The following PDE4D variants were observed in gnomAD, a reference collection of about 807,000 sequenced individuals.
PDE4D encodes the protein 3',5'-cyclic-AMP phosphodiesterase 4D.
In PDE4D, 24 loss-of-function variants were observed where a neutral mutation model predicts 87.4. The observed-to-expected ratio is 0.27, with a 90% confidence interval of 0.20 to 0.39. The LOEUF (loss-of-function observed/expected upper bound fraction) is 0.39. Among genes scored for constraint, PDE4D ranks in the 10% least tolerant of loss-of-function variants. PDE4D has a pLI of 1.00. For synonymous variants in PDE4D, 384 were observed against 383.2 expected, an observed-to-expected ratio of 1.00 and a Z score of -0.02; for missense variants, 714 against 1,041.0, an observed-to-expected ratio of 0.69 and a Z score of 4.32.
chr5:59,313,253 C>T (rs952019790), intron 1 of PDE4D, among the ~76,000 whole-genome samples: 2 of 152,154 alleles, frequency 1.3e-5, no homozygotes, highest in Non-Finnish European at 2.9e-5. Context: ...GTAACAGGAG[C>T]AAGTAGCAAC....
At chr5:59,494,909 A>G (rs1010152207) in intron 1 of PDE4D, among the ~76,000 whole-genome samples, 1 of 152,166 alleles carries the variant, frequency 6.6e-6, no homozygotes, top group Non-Finnish European at 1.5e-5. Flanking sequence ...CATTTCTAAG[A>G]AAAAAAGCAA....
chr5:59,787,378 TTTATC>T (rs919598431), intron 1 of PDE4D, among the ~76,000 whole-genome samples: 6 of 152,194 alleles, frequency 3.9e-5, no homozygotes, highest in African/African-American at 1.4e-4. Context: ...AGTTCTTCGT[TTTATC>T]TTAAGGTGCT....
At chr5:59,027,574 C>T (rs1300670704) in intron 6 of PDE4D, among the ~76,000 whole-genome samples, 1 of 151,978 alleles carries the variant, frequency 6.6e-6, no homozygotes, top group Non-Finnish European at 1.5e-5. Flanking sequence ...ATTTATTTTA[C>T]CCTTTGGGAT....
chr5:59,705,247 C>G (rs113541007), intron 1 of PDE4D, among the ~76,000 whole-genome samples: 166 of 152,260 alleles, frequency 1.1e-3, no homozygotes, highest in African/African-American at 3.9e-3. Context: ...TAGGTCCTCC[C>G]CTTCCTTAAT....
At chr5:59,703,903 G>A (rs1752984541) in intron 1 of PDE4D, among the ~76,000 whole-genome samples, 1 of 152,080 alleles carries the variant, frequency 6.6e-6, no homozygotes, top group Admixed American at 6.6e-5. Context: ...CAGTTACATG[G>A]CTCTGATGCA....
intron 1 of PDE4D, among the ~76,000 whole-genome samples, chr5:59,794,218 C>A (rs188394822): frequency 3.3e-5 from 5 of 151,988 alleles, no homozygotes; most frequent in Non-Finnish European, 2.9e-5. Context: ...TTCAACAAGC[C>A]CTGCAGTTGG....
At chr5:59,224,715 C>T (rs1435000797) in intron 1 of PDE4D, among the ~76,000 whole-genome samples, 1 of 152,106 alleles carries the variant, frequency 6.6e-6, no homozygotes, top group Non-Finnish European at 1.5e-5. Flanking sequence ...TTAAACGAGG[C>T]CATATGGATG....
chr5:60,204,576 T>C (rs1281075032), intron 1 of PDE4D, among the ~76,000 whole-genome samples: 4 of 152,234 alleles, frequency 2.6e-5, no homozygotes, highest in Non-Finnish European at 5.9e-5. Flanking sequence ...ATTCTACATA[T>C]GATATAGCAA....
intron 2 of PDE4D, among the ~76,000 whole-genome samples, chr5:60,170,212 A>G (rs1401435921): frequency 2.6e-5 from 4 of 152,158 alleles, no homozygotes; most frequent in Non-Finnish European, 2.9e-5. Context: ...TAGACACTTT[A>G]ACGTGCTTTG....
At chr5:60,273,741 C>G (rs866399818) in intron 1 of PDE4D, among the ~76,000 whole-genome samples, 1 of 152,000 alleles carries the variant, frequency 6.6e-6, no homozygotes, top group Non-Finnish European at 1.5e-5. Flanking sequence ...ATCAAAAATG[C>G]CCCCCAAGTT....
At chr5:60,369,821 A>G (rs552172198) in intron 1 of PDE4D, among the ~76,000 whole-genome samples, 1 of 152,278 alleles carries the variant, frequency 6.6e-6, no homozygotes, top group East Asian at 1.9e-4. Context: ...AGAAGTCAAC[A>G]TGCACACACA....
At chr5:59,206,741 G>A (rs1378638626) in intron 2 of PDE4D, among the ~76,000 whole-genome samples, 2 of 152,110 alleles carry the variant, frequency 1.3e-5, no homozygotes, top group Non-Finnish European at 2.9e-5. Flanking sequence ...TTTTCCAAAC[G>A]AGTAAAACAG....
At position 59,378,308 on chromosome 5, in the gene PDE4D, A is replaced by T. The variant is rs1387290193; in HGVS notation, c.456-162340T>A. Among the ~76,000 whole-genome samples the T allele has an allele frequency of 3.3e-5, 5 of 152,180 alleles. No homozygotes were observed. In the East Asian group the frequency reaches 9.6e-4, roughly 29 times the overall value. ...GGTAGAAGGTGGGAGGAGGGAGAGG[A>T]TCAGGAAAACTAATAGGTAGTAGGC... On this transcript the variant is annotated intron_variant, in intron 1 of 14. Coordinates refer to ENST00000340635, the MANE Select transcript of PDE4D (RefSeq NM_001104631.2).
chr5:59,194,298 T>C (rs1413662090), intron 2 of PDE4D, among the ~76,000 whole-genome samples: 3 of 152,186 alleles, frequency 2.0e-5, no homozygotes, highest in African/African-American at 7.2e-5. Context: ...GACAAGGATT[T>C]CCAGAGTCAC....
chr5:59,201,477 A>G (rs1246605656), intron 2 of PDE4D, among the ~76,000 whole-genome samples: 2 of 152,158 alleles, frequency 1.3e-5, no homozygotes, highest in Non-Finnish European at 2.9e-5. Context: ...AAATTTAAGA[A>G]TATAATGAAT....
At chr5:59,280,921 T>G (rs1046979008) in intron 1 of PDE4D, among the ~76,000 whole-genome samples, 2 of 152,048 alleles carry the variant, frequency 1.3e-5, no homozygotes, top group Admixed American at 1.3e-4. Context: ...AGCATTCTGG[T>G]GTGGGTAGGA....
intron 1 of PDE4D, among the ~76,000 whole-genome samples, chr5:59,410,494 G>A (rs986147954): frequency 2.0e-5 from 3 of 152,110 alleles, no homozygotes; most frequent in Non-Finnish European, 4.4e-5. Context: ...CAATCTGCCT[G>A]CCTCAGCCTC....
rs79491646 is a variant in PDE4D at position 59,497,808 on chromosome 5, C to T, written c.456-281840G>A. Among the ~76,000 whole-genome samples, 975 of 152,070 alleles carry T rather than the reference C, an allele frequency of 6.4e-3. 5 individuals are homozygous for T. Among genetic ancestry groups the T allele is most frequent in the African/African-American group, 0.023 (942 of 41,492 alleles). ...TGCCAGAGAAGTCAACATGCACATA[C>T]AAGAAATCCAGAGAATTCCTGGAAG... is the stretch of plus-strand genomic sequence containing the variant. On this transcript the variant is annotated intron_variant, in intron 1 of 14. Transcript: ENST00000340635.
chr5:59,044,450 GA>G (rs1760275814), intron 5 of PDE4D, among the ~76,000 whole-genome samples: 1 of 152,208 alleles, frequency 6.6e-6, no homozygotes, highest in African/African-American at 2.4e-5. Flanking sequence ...TCTACGGAAG[GA>G]ATTGATACTG....
Sources: allele counts gnomAD v4.1 joint callset (sites outside exome capture counted in the v4.1 genomes callset), GRCh38; gene constraint gnomAD v4.1.1; transcripts MANE v1.5; gene names NCBI Gene and HGNC (gene_info 2026-07-23, HGNC 2026-07-21).